COX15: variants seen among roughly 807,000 people sequenced by gnomAD.
COX15 encodes the protein cytochrome c oxidase assembly factor COX15.
Under a neutral mutation model 51.9 loss-of-function variants are expected in COX15, and 51 were observed. The ratio of observed to expected loss-of-function variants is 0.98; its 90% CI spans 0.78 to 1.24. The LOEUF is 1.24. Ranked by LOEUF, COX15 falls within the 50% of genes most tolerant of loss-of-function variation. The pLI is 0.00. For missense variants in COX15, 420 were observed against 501.1 expected, an observed-to-expected ratio of 0.84 and a Z score of 1.55; for synonymous variants, 188 against 190.5, an observed-to-expected ratio of 0.99 and a Z score of 0.11.
At chr10:99,698,867 T>C in the COX15 span, 1 of 1,581,210 alleles carries the variant, frequency 6.3e-7, no homozygotes, top group Non-Finnish European at 8.6e-7. Context: ...AGGTAAATTA[T>C]TAATGATAAA....
At chr10:99,707,722 G>T (rs1369819265), downstream of COX15, among the ~76,000 whole-genome samples, 1 of 152,198 alleles carries the variant, frequency 6.6e-6, no homozygotes, top group Non-Finnish European at 1.5e-5. Context: ...TTTTAGTCTT[G>T]TGATAGCACA....
intron 3 of COX15, 134 bp from the exon 4 acceptor site, chr10:99,727,288 C>T: frequency 7.0e-7 from 1 of 1,437,764 alleles, no homozygotes; most frequent in Non-Finnish European, 9.6e-7. Flanking sequence ...TCAACGACCT[C>T]AGGATGACTT....
rs756960375 is a variant in COX15 at position 99,720,970 on chromosome 10, G to C, written c.832+17C>G. 1.1e-5 allele frequency: 17 copies of C among 1,609,352 alleles called. No homozygotes were observed. Among genetic ancestry groups the C allele is most frequent in the Non-Finnish European group, 8.5e-6 (10 of 1,176,604 alleles). ...AGTGCAATGCAAACAGGTCATCTTT[G>C]ATGAGCTGAGTCCTACCTGAGAGGG... On this transcript the variant is annotated intron_variant, in intron 6 of 8. Coordinates refer to ENST00000016171, the MANE Select transcript of COX15 (RefSeq NM_078470.6).
chr10:99,703,955 G>C, the COX15 span, among the ~76,000 whole-genome samples: 1 of 152,066 alleles, frequency 6.6e-6, no homozygotes, highest in African/African-American at 2.4e-5. Context: ...TGAACTCCTG[G>C]CTTCAAGCAA....
Position 99,716,358 on chromosome 10 carries a change from G to A in COX15, c.1091C>T (p.Ala364Val), listed in dbSNP as rs762483659. ...KMAAVTLLAL[A>V]YTQVGLGIST... ...AGAAGTGGTTTATACCTGTGTATAC[G>A]CCAAAGCCAGCAGAGTCACTGCTGC... The change falls in exon 8 of 9, where the codon GCG (alanine) becomes GTG (valine). Residue 364 changes from alanine (A) to valine (V), a missense_variant. Coordinates refer to ENST00000016171, the MANE Select transcript of COX15 (RefSeq NM_078470.6). The A allele has an allele frequency of 2.0e-5, 32 of 1,610,046 alleles. No individual in the cohort carries two copies. Among genetic ancestry groups the A allele is most frequent in the South Asian group, 1.4e-4 (13 of 90,986 alleles).
At chr10:99,727,204 ATT>A in intron 3 of COX15, 50 bp from the exon 4 acceptor site, 6 of 1,589,356 alleles carry the variant, frequency 3.8e-6, no homozygotes, top group Non-Finnish European at 5.2e-6. Context: ...CATCCTTCTG[ATT>A]TTTATTTTCT....
the COX15 span, chr10:99,702,701 C>G: frequency 6.3e-7 from 1 of 1,578,048 alleles, no homozygotes; most frequent in Admixed American, 1.9e-5. Context: ...AATCTGGTAT[C>G]TTGAGCTCAG....
At chr10:99,694,790 GC>G in the COX15 span, among the ~76,000 whole-genome samples, 1 of 152,094 alleles carries the variant, frequency 6.6e-6, no homozygotes, top group African/African-American at 2.4e-5. Flanking sequence ...ACCCTCCTTG[GC>G]CTCCCAAAGT....
chr10:99,720,511 T>C (rs542822794), intron 6 of COX15, among the ~76,000 whole-genome samples: 224 of 152,282 alleles, frequency 1.5e-3, no homozygotes, highest in Middle Eastern at 3.4e-3. Context: ...CCTGCAACCA[T>C]CTCTGAGGGC....
chr10:99,696,719 G>T, the COX15 span, among the ~76,000 whole-genome samples: 3 of 151,964 alleles, frequency 2.0e-5, no homozygotes, highest in Non-Finnish European at 4.4e-5. Context: ...TTTCTTTTTT[G>T]TTTTTTAAGT....
intron 4 of COX15, 150 bp downstream of exon 4, chr10:99,726,818 G>A (rs574809954): frequency 4.3e-5 from 32 of 738,420 alleles, no homozygotes; most frequent in South Asian, 8.5e-5. Context: ...CCTGGGAGGC[G>A]GAGCTTGCAG....
At chr10:99,696,022 G>T in the COX15 span, 2 of 1,614,180 alleles carry the variant, frequency 1.2e-6, no homozygotes, top group Middle Eastern at 1.6e-4. Context: ...CACTGAACAC[G>T]TGTACAGGGT....
chr10:99,729,404 C>T, intron 2 of COX15, 149 bp downstream of exon 2: 1 of 821,674 alleles, frequency 1.2e-6, no homozygotes, highest in Non-Finnish European at 2.0e-6. Flanking sequence ...AGGTTGCAGT[C>T]AGCCGAGATC....
At chr10:99,719,125 A>T (rs1248130801) in intron 6 of COX15, among the ~76,000 whole-genome samples, 2 of 152,238 alleles carry the variant, frequency 1.3e-5, no homozygotes, top group African/African-American at 4.8e-5. Context: ...AATCCTGGAT[A>T]AACAAATAAA....
rs3740077 is a variant in COX15, at chr10:99,720,793, T to G, written c.832+194A>C. 0.27 allele frequency among the ~76,000 whole-genome samples: 41,295 copies of G among 151,958 alleles called. 5,694 individuals carry two copies. The highest frequency in any genetic ancestry group is 0.3 in the Non-Finnish European group (20,564 of 67,930). ...TGGATCTAGGTAGATGTTCAATATT[T>G]TTGTTCAATTGACAGTAAAGTAGAA... is the stretch of plus-strand genomic sequence containing the variant. On this transcript the variant is annotated intron_variant, in intron 6 of 8. Coordinates refer to ENST00000016171, the MANE Select transcript of COX15 (RefSeq NM_078470.6).
At chr10:99,709,648 A>T, downstream of COX15, 1 of 985,372 alleles carries the variant, frequency 1.0e-6, no homozygotes, top group Non-Finnish European at 1.2e-6. Flanking sequence ...CTAAGTTGGA[A>T]AGCTGTGGCA....
rs147881961 is a variant in COX15, at chr10:99,729,570, A to G, written c.255T>C (p.Ile85=). The part of the protein sequence containing the change: ...VCSGTVAGAV[I]LGGVTRLTES... ...TTACTTACCTAGTTACTCCACCAAG[A>G]ATAACTGCTCCAGCCACTGTTCCAC... The change falls in exon 2 of 9, where the codon ATT becomes ATC. Residue 85 remains isoleucine (I), a synonymous_variant. Coordinates refer to ENST00000016171, the MANE Select transcript of COX15 (RefSeq NM_078470.6). 1.8e-5 allele frequency: 29 copies of G among 1,613,626 alleles called. No individual in the cohort carries two copies. In the African/African-American group the frequency reaches 3.7e-4, roughly 21 times the overall value.
chr10:99,713,335 G>C lies in COX15; in HGVS notation c.*1252C>G. ...TTTCTAATCTGTTTAATTTCATCTC[G>C]ATGGGGTCATTCTGGGACTGTTTTC... On this transcript the variant is annotated 3_prime_UTR_variant, in exon 9 of 9. Transcript: ENST00000016171. 6.2e-7 allele frequency: 1 copy of C among 1,608,674 alleles called. No individual in the cohort carries two copies. The highest frequency in any genetic ancestry group is 8.5e-7 in the Non-Finnish European group (1 of 1,176,982).
chr10:99,727,000 C>T lies in COX15; in HGVS notation c.550G>A (p.Val184Ile). 1 of 1,613,376 alleles carries T rather than the reference C, an allele frequency of 6.2e-7. No homozygotes were observed. Among genetic ancestry groups the T allele is most frequent in the Non-Finnish European group, 8.5e-7 (1 of 1,179,788 alleles). ...GWLSRGMKGRVLALCGLVCFQ... is the reference protein window; with the variant it reads ...GWLSRGMKGRILALCGLVCFQ... ...CAGACGAGGCCACAGAGGGCAAGAA[C>T]ACGTCCTTTCATGCCACGGCTGAGC... is the stretch of plus-strand genomic sequence containing the variant. The change falls in exon 4 of 9, where the codon GTT becomes ATT. Residue 184 changes from valine to isoleucine, a missense_variant. Physicochemically the swap from Val to Ile is conservative, Grantham distance 29 (BLOSUM62 3). Transcript: ENST00000016171.
Sources: allele counts gnomAD v4.1 joint callset (sites outside exome capture counted in the v4.1 genomes callset), GRCh38; gene constraint gnomAD v4.1.1; transcripts MANE v1.5; gene names NCBI Gene and HGNC (gene_info 2026-07-23, HGNC 2026-07-21).